The following C13orf46 variants were observed in gnomAD, a reference collection of about 807,000 sequenced individuals.
C13orf46 encodes chromosome 13 open reading frame 46.
intron 6 of C13orf46, among the ~76,000 whole-genome samples, chr13:113,959,288 G>A (rs1374967624): frequency 6.6e-6 from 1 of 152,172 alleles, no homozygotes; most frequent in East Asian, 1.9e-4. Context: ...AAAAGGAAAA[G>A]ATTCTAGGAA....
chr13:113,945,680 A>AGAAAGAAAGAAAGAAAGGAAAG, the C13orf46 span, among the ~76,000 whole-genome samples: 1 of 92,634 alleles, frequency 1.1e-5, no homozygotes, highest in African/African-American at 4.0e-5. Flanking sequence ...AAGGAAAGAA[A>AGAAAGAAAGAAAGAAAGGAAAG]AACAAACCAA....
chr13:113,929,781 C>G, the C13orf46 span, among the ~76,000 whole-genome samples: 6 of 152,352 alleles, frequency 3.9e-5, no homozygotes, highest in African/African-American at 1.4e-4. Context: ...TCCTGAGGCC[C>G]CTGGAGTCCC....
the C13orf46 span, among the ~76,000 whole-genome samples, chr13:113,941,601 C>T: frequency 5.3e-5 from 8 of 152,242 alleles, no homozygotes; most frequent in Non-Finnish European, 7.3e-5. Context: ...GACCCAGGAA[C>T]GTGCTGGAAA....
chr13:113,970,011 C>A (rs1319295795), intron 2 of C13orf46, among the ~76,000 whole-genome samples, 160 bp downstream of exon 2: 2 of 152,150 alleles, frequency 1.3e-5, no homozygotes, highest in Non-Finnish European at 2.9e-5. Context: ...CCCATCCAGG[C>A]CCTGCGCGGG....
At chr13:113,965,719 GTGGTGATGATGGTGAAGGTGATGA>G (rs2052630173) in intron 5 of C13orf46, among the ~76,000 whole-genome samples, 1 of 144,512 alleles carries the variant, frequency 6.9e-6, no homozygotes. Context: ...GATTATAATG[GTGGTGATGATGGTGAAGGTGATGA>G]TGGTGATGAT....
the C13orf46 span, chr13:113,928,832 G>A: frequency 2.0e-5 from 3 of 152,450 alleles, no homozygotes; most frequent in Non-Finnish European, 4.4e-5. Context: ...CTGACACCGA[G>A]TGTGGTGTCC....
intron 6 of C13orf46, among the ~76,000 whole-genome samples, chr13:113,958,383 A>C (rs1312842712): frequency 2.0e-5 from 3 of 152,202 alleles, no homozygotes; most frequent in African/African-American, 7.2e-5. Context: ...AGGTCTCCAG[A>C]AGGATGCCTG....
the C13orf46 span, among the ~76,000 whole-genome samples, chr13:113,946,053 A>ATTTAGGGTCCAGTTCACCGCACT: frequency 6.6e-6 from 1 of 152,052 alleles, no homozygotes; most frequent in Admixed American, 6.5e-5. Flanking sequence ...GTTCACCGTG[A>ATTTAGGGTCCAGTTCACCGCACT]GTGAATGCCG....
intron 5 of C13orf46, among the ~76,000 whole-genome samples, chr13:113,965,831 TGGTG>T: frequency 1.3e-5 from 1 of 75,714 alleles, no homozygotes; most frequent in Non-Finnish European, 2.4e-5. Flanking sequence ...ATGGTGATAA[TGGTG>T]ATGGTGATGA....
chr13:113,972,438 T>TTA (rs959236209), intron 1 of C13orf46, among the ~76,000 whole-genome samples: 1 of 152,192 alleles, frequency 6.6e-6, no homozygotes, highest in Non-Finnish European at 1.5e-5. Flanking sequence ...CCGGGCTGTC[T>TTA]CACTTCCACG....
chr13:113,972,133 C>T (rs1229833465), intron 1 of C13orf46, among the ~76,000 whole-genome samples: 4 of 152,182 alleles, frequency 2.6e-5, no homozygotes, highest in African/African-American at 9.7e-5. Context: ...CTCCCTCCAT[C>T]CGACCCCGGC....
chr13:113,969,197 C>T (rs2052678989), intron 2 of C13orf46, among the ~76,000 whole-genome samples: 1 of 152,246 alleles, frequency 6.6e-6, no homozygotes, highest in Non-Finnish European at 1.5e-5. Context: ...AACCTCGTGA[C>T]CCCTTCTGTG....
chr13:113,966,928 C>T (rs2052656103), intron 5 of C13orf46, among the ~76,000 whole-genome samples: 1 of 152,056 alleles, frequency 6.6e-6, no homozygotes, highest in Admixed American at 6.5e-5. Context: ...ACAACTGAGG[C>T]ACAGGGAAGT....
At chr13:113,946,933 G>T in the C13orf46 span, among the ~76,000 whole-genome samples, 1 of 152,246 alleles carries the variant, frequency 6.6e-6, no homozygotes. Flanking sequence ...GGCACCCTTG[G>T]GGCCGACCGG....
chr13:113,952,128 C>T (rs1315656709), downstream of C13orf46, among the ~76,000 whole-genome samples: 1 of 152,226 alleles, frequency 6.6e-6, no homozygotes, highest in Admixed American at 6.5e-5. Context: ...ACACACAGAA[C>T]ACTTGGCAGG....
At chr13:113,936,882 G>A in the C13orf46 span, among the ~76,000 whole-genome samples, 2 of 152,210 alleles carry the variant, frequency 1.3e-5, no homozygotes, top group African/African-American at 4.8e-5. Context: ...TTCCACCGTA[G>A]TGACGTTATC....
At chr13:113,935,750 T>C in the C13orf46 span, among the ~76,000 whole-genome samples, 79,073 of 152,020 alleles carry the variant, frequency 0.52, 20,913 homozygotes, top group East Asian at 0.62. Context: ...ATTTTTACAC[T>C]GAACTTTTCT....
rs2052673971 is a variant in C13orf46, at chr13:113,968,684, C to T, written c.319G>A (p.Asp107Asn). 6.6e-6 allele frequency: 1 copy of T among 152,388 alleles called. No individual in the cohort carries two copies. Among genetic ancestry groups the T allele is most frequent in the Non-Finnish European group, 1.5e-5 (1 of 68,128 alleles). 9.4% of individuals were successfully genotyped at this position (152,388 alleles called of 1,614,324 possible). A position where few individuals can be genotyped will look rare whatever the true frequency, so the allele number is the denominator to read the frequency against. Residue 107 changes from aspartate to asparagine, a missense_variant, in exon 3 of 7, where the codon GAC becomes AAC. Physicochemically the swap from Asp to Asn is conservative, Grantham distance 23. Coordinates refer to ENST00000636427, the MANE Select transcript of C13orf46 (RefSeq NM_001365455.2). ...AAGTCGCTCTTCTCCCTCTCTGGGT[C>T]TTGTTTTCCACTCTCATGACCCAGC... ...GKLGHESGKQ[D>N]PEREKSDLEA...
chr13:113,940,160 G>A, the C13orf46 span, among the ~76,000 whole-genome samples: 5 of 152,216 alleles, frequency 3.3e-5, no homozygotes, highest in Non-Finnish European at 5.9e-5. Flanking sequence ...ACCGTCAGCC[G>A]CATTTGGCTC....
Sources: allele counts gnomAD v4.1 joint callset (sites outside exome capture counted in the v4.1 genomes callset), GRCh38; gene constraint gnomAD v4.1.1; transcripts MANE v1.5; gene names NCBI Gene and HGNC (gene_info 2026-07-23, HGNC 2026-07-21).